The following PBK variants were observed in gnomAD, a reference collection of about 807,000 sequenced individuals.
The protein encoded by PBK is lymphokine-activated killer T-cell-originated protein kinase.
PBK carries 22 observed loss-of-function variants against 33.5 expected under a neutral mutation model. The observed-to-expected ratio is 0.66, with a 90% CI of 0.47 to 0.94. The LOEUF (loss-of-function observed/expected upper bound fraction) is 0.94. PBK is among the 40% of genes least tolerant of loss of function. PBK has a pLI of 0.00. For synonymous variants in PBK, 129 were observed against 123.8 expected (o/e 1.04, Z -0.28); for missense variants, 376 against 383.4 (o/e 0.98, Z 0.16).
intron 3 of PBK, among the ~76,000 whole-genome samples, chr8:27,825,276 C>CA (rs1397536712): frequency 6.6e-6 from 1 of 152,064 alleles, no homozygotes; most frequent in Non-Finnish European, 1.5e-5. Context: ...CCCTTCTCTA[C>CA]AAAAAACTTT....
rs1805958958 is a variant in PBK at position 27,823,043 on chromosome 8, G to A, written c.295+20C>T. ...TAAACAAAATAATATACCAGATACTGCTACCAAATTTAAACGTACCAACAA... is the reference window on the plus strand; with the variant it reads ...TAAACAAAATAATATACCAGATACTACTACCAAATTTAAACGTACCAACAA... On this transcript the variant is annotated intron_variant, in intron 4 of 7. Coordinates refer to ENST00000301905, the MANE Select transcript of PBK (RefSeq NM_018492.4). The A allele has an allele frequency of 6.5e-7, 1 of 1,534,382 alleles. No individual in the cohort carries two copies. Among genetic ancestry groups the A allele is most frequent in the Non-Finnish European group, 9.0e-7 (1 of 1,113,700 alleles).
intron 3 of PBK, among the ~76,000 whole-genome samples, chr8:27,825,017 T>C (rs1035684197): frequency 3.7e-5 from 4 of 108,970 alleles, no homozygotes; most frequent in African/African-American, 1.7e-4. Context: ...CAAATGGATA[T>C]TTTTTAGACA....
intron 4 of PBK, 52 bp from the exon 5 acceptor site, chr8:27,822,540 T>C: frequency 2.4e-6 from 3 of 1,248,184 alleles, no homozygotes; most frequent in Non-Finnish European, 3.4e-6. Context: ...ACAATAATAT[T>C]TAAGTCCTTT....
chr8:27,820,522 C>T lies in PBK; in HGVS notation c.595+43G>A, dbSNP rs770959474. Reference sequence around the variant, plus strand: ...ACTTACGTATTTAAAAATGTAAACACTGTATTAAAAACAAAATTTTAAAAC... The same window carrying T: ...ACTTACGTATTTAAAAATGTAAACATTGTATTAAAAACAAAATTTTAAAAC... On this transcript the variant is annotated intron_variant, in intron 6 of 7. Transcript: ENST00000301905. The T allele has an allele frequency of 4.2e-6, 5 of 1,197,274 alleles. No individual in the cohort carries two copies. The African/African-American group carries it at 6.2e-5, about 15-fold the overall frequency. 74.2% of individuals were successfully genotyped at this position (1,197,274 alleles called of 1,614,324 possible).
At chr8:27,818,637 A>G (rs982362068) in intron 6 of PBK, among the ~76,000 whole-genome samples, 2 of 151,678 alleles carry the variant, frequency 1.3e-5, no homozygotes, top group African/African-American at 2.4e-5. Context: ...TTGATTACTA[A>G]TAACTCTTAA....
At position 27,810,351 on chromosome 8, in the gene PBK, C is replaced by T. The variant is rs776800823; in HGVS notation, c.923G>A (p.Arg308His). 4.3e-6 allele frequency: 7 copies of T among 1,612,918 alleles called. No homozygotes were observed. The highest frequency in any genetic ancestry group is 5.9e-6 in the Non-Finnish European group (7 of 1,178,998). ...TTCAACAATGTGTGCAGCAGAAGGA[C>T]GATCTTTAGGGTCTTCATTAGTGCA... ...SVCTNEDPKD[R>H]PSAAHIVEAL... The change falls in exon 8 of 8, where the codon CGT becomes CAT. Residue 308 changes from arginine to histidine, a missense_variant. Arg to His is a conservative substitution (Grantham distance 29, BLOSUM62 0). Coordinates refer to ENST00000301905, the MANE Select transcript of PBK (RefSeq NM_018492.4).
intron 6 of PBK, chr8:27,811,979 G>A (rs891184475): frequency 2.6e-5 from 4 of 152,120 alleles, no homozygotes; most frequent in Non-Finnish European, 5.9e-5. Flanking sequence ...CACTATAGCT[G>A]TTTTATAGAT....
At chr8:27,818,992 T>C (rs961077653) in intron 6 of PBK, among the ~76,000 whole-genome samples, 1 of 152,200 alleles carries the variant, frequency 6.6e-6, no homozygotes, top group Admixed American at 6.5e-5. Context: ...AATACAAAAA[T>C]GTCACCTTTA....
chr8:27,818,775 A>C (rs1194035448), intron 6 of PBK, among the ~76,000 whole-genome samples: 1 of 152,050 alleles, frequency 6.6e-6, no homozygotes, highest in Non-Finnish European at 1.5e-5. Context: ...TGGCTTTTTA[A>C]TGATGGTTTC....
At chr8:27,818,447 G>A (rs1008221430) in intron 6 of PBK, among the ~76,000 whole-genome samples, 2 of 152,200 alleles carry the variant, frequency 1.3e-5, no homozygotes, top group African/African-American at 2.4e-5. Flanking sequence ...AAGCCTAATG[G>A]AGGAATGGAG....
rs779729707 is a variant in PBK at position 27,822,478 on chromosome 8, A to C, written c.306T>G (p.Ala102=). 2 of 1,602,428 alleles carry C rather than the reference A, an allele frequency of 1.2e-6. No homozygotes were observed. The highest frequency in any genetic ancestry group is 4.5e-5 in the East Asian group (2 of 44,754). Reference sequence around the variant, plus strand: ...GACTGCCATCATTGGCTTCAGTAAAAGCACGATAACCTTAAAGAAAACATG... The same window carrying C: ...GACTGCCATCATTGGCTTCAGTAAACGCACGATAACCTTAAAGAAAACATG... ...LHHPNIVGYR[A]FTEANDGSLC... is the part of the protein sequence containing the mutation. Residue 102 remains alanine (A), a synonymous_variant, in exon 5 of 8, where the codon GCT becomes GCG. Coordinates refer to ENST00000301905, the MANE Select transcript of PBK (RefSeq NM_018492.4).
intron 1 of PBK, among the ~76,000 whole-genome samples, chr8:27,835,455 G>C (rs1437869323): frequency 6.6e-6 from 1 of 152,060 alleles, no homozygotes; most frequent in Non-Finnish European, 1.5e-5. Context: ...TTTCTACTTC[G>C]GAAATAATTT....
chr8:27,815,575 TAAGG>T (rs1216744018), intron 6 of PBK, among the ~76,000 whole-genome samples: 1 of 152,144 alleles, frequency 6.6e-6, no homozygotes, highest in Admixed American at 6.5e-5. Flanking sequence ...TCTGTGGCAA[TAAGG>T]AAGGATACTT....
chr8:27,834,400 A>T (rs1409684869), intron 1 of PBK, among the ~76,000 whole-genome samples: 1 of 152,214 alleles, frequency 6.6e-6, no homozygotes, highest in Admixed American at 6.5e-5. Flanking sequence ...GTTACTAAGG[A>T]CTGGGAGACA....
chr8:27,821,291 T>C lies in PBK; in HGVS notation c.466-597A>G, dbSNP rs538887167. Among the ~76,000 whole-genome samples the C allele has an allele frequency of 1.9e-4, 29 of 151,486 alleles. No homozygotes were observed. In the South Asian group the frequency reaches 5.9e-3, roughly 31 times the overall value. On this transcript the variant is annotated intron_variant, in intron 5 of 7. Transcript: ENST00000301905. The stretch of plus-strand genomic sequence containing the variant: ...AACTATTTTTTTCCAAGACAGAGTC[T>C]TGCTCTTGTTGCCCAGGCTGGAGTG...
At chr8:27,828,779 A>G (rs545880239) in intron 2 of PBK, among the ~76,000 whole-genome samples, 1 of 146,740 alleles carries the variant, frequency 6.8e-6, no homozygotes, top group East Asian at 2.1e-4. Context: ...AGATGAAAAG[A>G]TGGAGTTCTG....
chr8:27,825,182 A>G (rs934959614), intron 3 of PBK, among the ~76,000 whole-genome samples: 2 of 152,218 alleles, frequency 1.3e-5, no homozygotes, highest in East Asian at 1.9e-4. Flanking sequence ...GCACACAACT[A>G]TAATCACAAC....
chr8:27,811,110 A>G lies in PBK; in HGVS notation c.620T>C (p.Ile207Thr), dbSNP rs1805672540. 1 of 1,613,898 alleles carries G rather than the reference A, an allele frequency of 6.2e-7. No homozygotes were observed. Among genetic ancestry groups the G allele is most frequent in the Non-Finnish European group, 8.5e-7 (1 of 1,179,792 alleles). The change falls in exon 7 of 8, where the codon ATT (isoleucine) becomes ACT (threonine). Residue 207 changes from isoleucine (I) to threonine (T), a missense_variant. Ile to Thr is a moderately conservative substitution (Grantham distance 89). Transcript: ENST00000301905. ...MTVTDPEACY[I>T]GTEPWKPKEA... The stretch of plus-strand genomic sequence containing the variant: ...TTTGGGTTTCCATGGCTCTGTGCCA[A>G]TGTAACAAGCCTCAGGGTCAGTCAC...
intron 1 of PBK, among the ~76,000 whole-genome samples, chr8:27,834,905 AAAG>A (rs1318178217): frequency 3.3e-5 from 5 of 152,146 alleles, no homozygotes; most frequent in Non-Finnish European, 7.4e-5. Flanking sequence ...CAAAAAAAAA[AAAG>A]AACGGAAGAA....
Sources: allele counts gnomAD v4.1 joint callset (sites outside exome capture counted in the v4.1 genomes callset), GRCh38; gene constraint gnomAD v4.1.1; transcripts MANE v1.5; gene names NCBI Gene and HGNC (gene_info 2026-07-23, HGNC 2026-07-21).